The following MORC4 variants were observed in gnomAD, a reference collection of about 807,000 sequenced individuals.
MORC4 encodes the protein MORC family CW-type zinc finger 4.
A neutral mutation model predicts 65.5 loss-of-function variants in MORC4; 22 were observed. The observed-to-expected ratio is 0.34, with a 90% CI of 0.24 to 0.48. The LOEUF is 0.48. Among genes scored for constraint, MORC4 ranks in the 20% least tolerant of loss-of-function variants. The probability of loss-of-function intolerance (pLI) is 0.99; values close to 1 mark genes in which losing one functional copy is unlikely to be tolerated. For missense variants in MORC4, 624 were observed against 703.0 expected (o/e 0.89, Z 1.27); for synonymous variants, 267 against 255.8 (o/e 1.04, Z -0.42).
At chrX:106,955,257 C>T (rs1420117026) in intron 13 of MORC4, among the ~76,000 whole-genome samples, 169 bp from the exon 14 acceptor site, 2 of 111,382 alleles carry the variant, frequency 1.8e-5, no homozygotes, top group Non-Finnish European at 3.8e-5. Flanking sequence ...TGAACCCAGG[C>T]ATACTCAGTT....
At chrX:106,995,278 T>C (rs1935056616) in intron 2 of MORC4, among the ~76,000 whole-genome samples, 2 of 111,275 alleles carry the variant, frequency 1.8e-5, no homozygotes, top group South Asian at 7.7e-4. Context: ...CAAGATTAAC[T>C]TTCCTGAAGC....
In MORC4 at chrX:106,942,980, A is replaced by T; in HGVS notation, c.1911T>A (p.Gly637=). ...ACAGAATTGAAACCTCCCTATTCTG[A>T]CCTGTATTCTTGCTTGCTTCTGGGT... is the stretch of plus-strand genomic sequence containing the variant. ...PEYPEASKNT[G]QNREVSILYP... is the part of the protein sequence containing the mutation. Residue 637 remains glycine, a synonymous_variant, in exon 15 of 17, where the codon GGT becomes GGA. Coordinates refer to ENST00000355610, the MANE Select transcript of MORC4 (RefSeq NM_024657.5). 1 of 1,210,874 alleles carries T rather than the reference A, an allele frequency of 8.3e-7. No individual in the cohort carries two copies. The highest frequency in any genetic ancestry group is 3.0e-5 in the East Asian group (1 of 33,800).
At chrX:106,961,550 T>G (rs1422537005) in intron 10 of MORC4, among the ~76,000 whole-genome samples, 3 of 111,829 alleles carry the variant, frequency 2.7e-5, no homozygotes, top group Non-Finnish European at 5.6e-5. Context: ...TTTCCTGTCT[T>G]ACAAGAGGAT....
intron 9 of MORC4, among the ~76,000 whole-genome samples, chrX:106,967,410 C>G (rs1232156353): frequency 8.9e-6 from 1 of 112,001 alleles, no homozygotes; most frequent in East Asian, 2.8e-4. Context: ...ACCTCTTCTC[C>G]TCCAAAGGAA....
At chrX:106,993,998 A>C (rs767420197) in intron 2 of MORC4, among the ~76,000 whole-genome samples, 1 of 112,321 alleles carries the variant, frequency 8.9e-6, no homozygotes, top group Non-Finnish European at 1.9e-5. Flanking sequence ...ATTTTTGCTT[A>C]GGTATTTTGT....
chrX:106,967,163 CAAACA>C (rs1400787171), intron 9 of MORC4, among the ~76,000 whole-genome samples: 1 of 111,485 alleles, frequency 9.0e-6, no homozygotes, highest in African/African-American at 3.3e-5. Flanking sequence ...GATACCCAGG[CAAACA>C]GCGTCTGGAG....
intron 14 of MORC4, among the ~76,000 whole-genome samples, chrX:106,947,570 A>ATT (rs1187263267): frequency 1.2e-4 from 7 of 59,366 alleles, no homozygotes; most frequent in Admixed American, 2.7e-4. Context: ...ATATATATAT[A>ATT]TTATATATAT....
chrX:106,946,974 A>G (rs2147803350), intron 14 of MORC4, among the ~76,000 whole-genome samples: 1 of 111,365 alleles, frequency 9.0e-6, no homozygotes, highest in South Asian at 3.8e-4. Context: ...GCATCTAAAA[A>G]TATAATTTTC....
At chrX:106,997,139 T>C (rs1376991261) in intron 2 of MORC4, among the ~76,000 whole-genome samples, 1 of 112,118 alleles carries the variant, frequency 8.9e-6, no homozygotes, top group African/African-American at 3.2e-5. Flanking sequence ...TATTCTTCCT[T>C]TGTTACAAAC....
intron 9 of MORC4, among the ~76,000 whole-genome samples, chrX:106,967,304 T>C (rs1273598925): frequency 5.4e-5 from 6 of 111,739 alleles, no homozygotes; most frequent in Non-Finnish European, 1.1e-4. Flanking sequence ...ACCCCATCCG[T>C]AGGTAGGTCC....
chrX:106,965,492 T>C (rs917341559), intron 9 of MORC4, among the ~76,000 whole-genome samples: 21 of 112,138 alleles, frequency 1.9e-4, no homozygotes, highest in African/African-American at 6.8e-4. Context: ...TCCTTATCAG[T>C]AATTACTTTA....
chrX:106,981,080 C>T (rs1216793636), intron 6 of MORC4, 61 bp from the exon 7 acceptor site: 8 of 1,150,677 alleles, frequency 7.0e-6, no homozygotes, highest in Non-Finnish European at 9.4e-6. Context: ...TGCTGACATC[C>T]CCATAAAACA....
Position 106,981,459 on chromosome X carries a change from A to G in MORC4, c.693T>C (p.Ser231=). ...WNIRRNKNGK[S]ELDFDTDQYD... ...ATTGATCTGTATCAAAGTCCAACTC[A>G]GATTTTCCATTTTTATTTCTGGGGA... The change falls in exon 6 of 17, where the codon TCT becomes TCC. Residue 231 remains serine, a synonymous_variant. Coordinates refer to ENST00000355610, the MANE Select transcript of MORC4 (RefSeq NM_024657.5). 8.4e-7 allele frequency: 1 copy of G among 1,192,737 alleles called. No individual in the cohort carries two copies. The highest frequency in any genetic ancestry group is 1.1e-6 in the Non-Finnish European group (1 of 888,329).
intron 14 of MORC4, among the ~76,000 whole-genome samples, chrX:106,946,162 A>G (rs1232369758): frequency 9.0e-6 from 1 of 111,571 alleles, no homozygotes; most frequent in Non-Finnish European, 1.9e-5. Context: ...CAATTTTAGT[A>G]TTCTCACAGA....
Position 106,942,512 on chromosome X carries a change from A to G in MORC4, c.2376+3T>C. ...ATTCCTAGTGGTGAGGTATTACCCT[A>G]ACCTTTTGCTGGAACAAATTCCTTT... is the stretch of plus-strand genomic sequence containing the variant. On this transcript the variant is annotated splice_donor_region_variant and intron_variant, in intron 15 of 16. Transcript: ENST00000355610. 5.8e-6 allele frequency: 7 copies of G among 1,203,550 alleles called. No individual in the cohort carries two copies. The South Asian group carries it at 1.1e-4, about 19-fold the overall frequency.
At chrX:106,982,342 A>C (rs1238075100) in intron 5 of MORC4, among the ~76,000 whole-genome samples, 1 of 112,184 alleles carries the variant, frequency 8.9e-6, no homozygotes, top group Non-Finnish European at 1.9e-5. Context: ...CTCGAGCTCT[A>C]GTGATAACTC....
chrX:106,978,611 C>T (rs1013997056), intron 7 of MORC4, among the ~76,000 whole-genome samples: 2 of 109,057 alleles, frequency 1.8e-5, no homozygotes, highest in Admixed American at 2.0e-4. Flanking sequence ...AAACATCACA[C>T]ACACACACGC....
intron 9 of MORC4, among the ~76,000 whole-genome samples, chrX:106,964,094 G>A (rs1004106136): frequency 9.0e-6 from 1 of 111,309 alleles, no homozygotes; most frequent in Non-Finnish European, 1.9e-5. Flanking sequence ...ATTTTAAAAC[G>A]GTCTTAAAGA....
At chrX:106,972,878 C>T (rs759086148) in intron 9 of MORC4, among the ~76,000 whole-genome samples, 13 of 112,773 alleles carry the variant, frequency 1.2e-4, no homozygotes, top group African/African-American at 3.9e-4. Flanking sequence ...GGGGAGGTTG[C>T]GGTTGCCATT....
Sources: gnomAD v4.1 joint callset for allele counts (sites outside exome capture counted in the v4.1 genomes callset) on GRCh38, gnomAD v4.1.1 for gene constraint, MANE v1.5 for transcripts, NCBI Gene and HGNC (gene_info 2026-07-23, HGNC 2026-07-21) for gene names.